CPZ: variants seen among roughly 807,000 people sequenced by gnomAD.
CPZ encodes VEZT/CPZ fusion.
CPZ carries 103 observed loss-of-function variants against 61.8 expected under a neutral mutation model. The observed-to-expected ratio is 1.67, with a 90% confidence interval of 1.42 to 1.96. CPZ has a LOEUF of 1.96. CPZ is among the 30% of genes most tolerant of loss of function. The pLI, the probability that CPZ is intolerant of heterozygous loss-of-function variation, is 0.00. For synonymous variants in CPZ, 551 were observed against 373.7 expected, an observed-to-expected ratio of 1.47 and a Z score of -5.47; for missense variants, 1,461 against 914.9, an observed-to-expected ratio of 1.60 and a Z score of -7.70.
At chr4:8,612,302 GGA>G (rs1715779289) in intron 8 of CPZ, 140 bp downstream of exon 8, 1 of 722,536 alleles carries the variant, frequency 1.4e-6, no homozygotes, top group Non-Finnish European at 2.2e-6. Flanking sequence ...CTCACCTGGT[GGA>G]GAGGAGGCTG....
At chr4:8,608,323 T>G (rs1211633421) in intron 7 of CPZ, among the ~76,000 whole-genome samples, 1 of 152,036 alleles carries the variant, frequency 6.6e-6, no homozygotes, top group Non-Finnish European at 1.5e-5. Flanking sequence ...GCACTTTCCC[T>G]TGGTGTTTGG....
At chr4:8,609,735 C>G (rs1715492064) in intron 7 of CPZ, among the ~76,000 whole-genome samples, 1 of 152,240 alleles carries the variant, frequency 6.6e-6, no homozygotes, top group South Asian at 2.1e-4. Flanking sequence ...GATGTTCACC[C>G]CAGTGAGTCC....
intron 9 of CPZ, chr4:8,618,065 C>G: frequency 3.3e-6 from 1 of 299,608 alleles, no homozygotes; most frequent in Non-Finnish European, 6.4e-6. Flanking sequence ...CTCAGAGGGA[C>G]CCAGGGAGTC....
At chr4:8,609,127 T>TTTACTCATTCGCCCATTCAC (rs1560297898) in intron 7 of CPZ, among the ~76,000 whole-genome samples, 1 of 139,362 alleles carries the variant, frequency 7.2e-6, no homozygotes. Context: ...CCCTCACTCA[T>TTTACTCATTCGCCCATTCAC]TCACTCATTT....
In CPZ at chr4:8,619,747, C is replaced by T. The variant is rs1329931905; in HGVS notation, c.*130C>T. The T allele has an allele frequency of 1.3e-6, 1 of 742,024 alleles. No individual in the cohort carries two copies. The highest frequency in any genetic ancestry group is 1.8e-5 in the African/African-American group (1 of 55,890). 46.0% of individuals were successfully genotyped at this position (742,024 alleles called of 1,614,324 possible). The stretch of plus-strand genomic sequence containing the variant: ...GCCATTTTATTAAAGTGTTTTGATC[C>T]ACTTTGCACTGGAATGAGAGGATCT... On this transcript the variant is annotated 3_prime_UTR_variant, in exon 11 of 11. Transcript: ENST00000360986.
rs1449039291 is a variant in CPZ, at chr4:8,592,885, G to A, written c.52G>A (p.Ala18Thr). 10 of 1,533,946 alleles carry A rather than the reference G, an allele frequency of 6.5e-6. No homozygotes were observed. The highest frequency in any genetic ancestry group is 7.9e-6 in the Non-Finnish European group (9 of 1,143,944). Residue 18 changes from alanine (A) to threonine (T), a missense_variant, in exon 1 of 11, where the codon GCC (alanine) becomes ACC (threonine). Transcript: ENST00000360986. ...CCTTACAGTCCTGGTCGTCGCCGCT[G>A]CCCGGCCGGGGTGCGAGTTTGAGCG... ...LLLTVLVVAAARPGCEFERNP... is the reference protein window; with the variant it reads ...LLLTVLVVAATRPGCEFERNP...
intron 2 of CPZ, 171 bp downstream of exon 2, chr4:8,599,656 A>C: frequency 2.8e-6 from 4 of 1,439,222 alleles, no homozygotes; most frequent in Non-Finnish European, 3.7e-6. Flanking sequence ...AATTAGACAT[A>C]ACAAAAAAAG....
intron 1 of CPZ, among the ~76,000 whole-genome samples, chr4:8,597,984 T>G (rs1438860573): frequency 6.6e-6 from 1 of 152,174 alleles, no homozygotes; most frequent in African/African-American, 2.4e-5. Context: ...CCACAGCCCT[T>G]GTGGTTCATA....
chr4:8,598,200 G>A (rs1164253314), intron 1 of CPZ, among the ~76,000 whole-genome samples: 1 of 152,226 alleles, frequency 6.6e-6, no homozygotes, highest in Non-Finnish European at 1.5e-5. Flanking sequence ...CATCCCACAA[G>A]AGCTCTGTGA....
Position 8,617,811 on chromosome 4 carries a change from T to C in CPZ, c.1504-618T>C, listed in dbSNP as rs980572197. ...GCCGTGTGGGTGGTTTGTCATCAACTGTTTTACAAGAAATGTGGACAGGAT... is the reference window on the plus strand; with the variant it reads ...GCCGTGTGGGTGGTTTGTCATCAACCGTTTTACAAGAAATGTGGACAGGAT... On this transcript the variant is annotated intron_variant, in intron 9 of 10. Transcript: ENST00000360986. Among the ~76,000 whole-genome samples, 3 of 152,182 alleles carry C rather than the reference T, an allele frequency of 2.0e-5. No individual in the cohort carries two copies. In the South Asian group the frequency reaches 6.2e-4, roughly 32 times the overall value.
At chr4:8,612,387 T>A (rs1577124902) in intron 8 of CPZ, among the ~76,000 whole-genome samples, 1 of 152,178 alleles carries the variant, frequency 6.6e-6, no homozygotes, top group Non-Finnish European at 1.5e-5. Context: ...CCGTGGCTCC[T>A]GTAGTTTATT....
At chr4:8,606,946 G>A (rs975289060) in intron 6 of CPZ, 48 bp downstream of exon 6, 8 of 1,537,348 alleles carry the variant, frequency 5.2e-6, no homozygotes, top group South Asian at 1.2e-5. Context: ...GCATCCAGGG[G>A]TCCCTAGTTA....
At chr4:8,611,501 G>C (rs1390228556) in intron 7 of CPZ, among the ~76,000 whole-genome samples, 1 of 152,206 alleles carries the variant, frequency 6.6e-6, no homozygotes, top group Non-Finnish European at 1.5e-5. Context: ...TAGTCAGGGA[G>C]GGGCTTCCTG....
intron 8 of CPZ, among the ~76,000 whole-genome samples, chr4:8,613,475 G>T: frequency 6.6e-6 from 1 of 152,266 alleles, no homozygotes; most frequent in East Asian, 1.9e-4. Flanking sequence ...GCATGAAGCC[G>T]GGGACCAGAG....
chr4:8,618,552 C>T, intron 10 of CPZ, 24 bp downstream of exon 10: 2 of 1,605,628 alleles, frequency 1.2e-6, no homozygotes, highest in Non-Finnish European at 1.7e-6. Context: ...TGGCTGTCCC[C>T]TGGGGACCAC....
At chr4:8,609,959 A>G (rs3796730) in intron 7 of CPZ, among the ~76,000 whole-genome samples, 49,017 of 152,034 alleles carry the variant, frequency 0.32, 9,402 homozygotes, top group African/African-American at 0.54. Flanking sequence ...GTGCCTGGGG[A>G]CAGTGTTCAA....
At position 8,606,834 on chromosome 4, in the gene CPZ, T is replaced by G; in HGVS notation, c.1004T>G (p.Leu335Arg). 1 of 1,613,886 alleles carries G rather than the reference T, an allele frequency of 6.2e-7. No individual in the cohort carries two copies. The highest frequency in any genetic ancestry group is 8.5e-7 in the Non-Finnish European group (1 of 1,179,984). The change falls in exon 6 of 11, where the codon CTG becomes CGG. Residue 335 changes from leucine to arginine, a missense_variant. Physicochemically the swap from Leu to Arg is moderately radical, Grantham distance 102. Transcript: ENST00000360986. ...GACCTGACGTCCGAGTACTACCGGC[T>G]GGCGGAGACCCGCGGCGCACGCAGC... The part of the protein sequence containing the change: ...FPDLTSEYYR[L>R]AETRGARSDH...
At chr4:8,599,691 C>A in intron 2 of CPZ, 1 of 1,374,234 alleles carries the variant, frequency 7.3e-7, no homozygotes, top group South Asian at 1.5e-5. Context: ...GGTGCACCAG[C>A]TTCCCACCGG....
rs974368174 is a variant in CPZ, at chr4:8,618,890, T to C, written c.1603+362T>C. On this transcript the variant is annotated intron_variant, in intron 10 of 10. Transcript: ENST00000360986. ...TTGATAGCTGGGGTGTCCAGCCCTG[T>C]GCGGGCTCTGGCTGTCCTTACAGGA... 3.3e-5 allele frequency among the ~76,000 whole-genome samples: 5 copies of C among 152,250 alleles called. No homozygotes were observed. In the South Asian group the frequency reaches 1.0e-3, roughly 32 times the overall value.
Sources: gnomAD v4.1 joint callset for allele counts (sites outside exome capture counted in the v4.1 genomes callset) on GRCh38, gnomAD v4.1.1 for gene constraint, MANE v1.5 for transcripts, NCBI Gene and HGNC (gene_info 2026-07-23, HGNC 2026-07-21) for gene names.